The following CTTNBP2 variants were observed in gnomAD, a reference collection of about 807,000 sequenced individuals.
CTTNBP2 encodes the protein cortactin binding protein 2, also known as cortactin-binding protein 2.
Under a neutral mutation model 156.9 loss-of-function variants are expected in CTTNBP2, and 108 were observed. The observed-to-expected ratio is 0.69, with a 90% confidence interval of 0.59 to 0.81. The LOEUF (loss-of-function observed/expected upper bound fraction) is 0.81, where lower values mean the gene tolerates loss of function less well. Among genes scored for constraint, CTTNBP2 ranks in the 30% least tolerant of loss-of-function variants. The pLI is 0.00. For missense variants in CTTNBP2, 1,924 were observed against 2,035.4 expected (o/e 0.95, Z 1.05); for synonymous variants, 767 against 751.8 (o/e 1.02, Z -0.33).
intron 12 of CTTNBP2, 56 bp downstream of exon 12, chr7:117,756,499 A>C (rs1020830155): frequency 1.6e-5 from 23 of 1,396,182 alleles, no homozygotes; most frequent in Non-Finnish European, 2.2e-5. Flanking sequence ...GGGCCACCCA[A>C]TTTTCCAGTG....
rs749301406 is a variant in CTTNBP2, at chr7:117,780,609, A to G, written c.2373-18T>C. On this transcript the variant is annotated intron_variant, in intron 6 of 22. Coordinates refer to ENST00000160373, the MANE Select transcript of CTTNBP2 (RefSeq NM_033427.3). ...CTACACACCTAAACACAAGATTAGG[A>G]TTAATTACATAAAACCTGGGTTTGA... 23 of 1,512,464 alleles carry G rather than the reference A, an allele frequency of 1.5e-5. No individual in the cohort carries two copies. The East Asian group carries it at 5.6e-4, about 37-fold the overall frequency. The allele number at this position is 1,512,464 out of a possible 1,614,324, so 93.7% of individuals were successfully genotyped here.
intron 5 of CTTNBP2, among the ~76,000 whole-genome samples, chr7:117,783,779 G>A (rs1215663201): frequency 6.6e-6 from 1 of 152,070 alleles, no homozygotes; most frequent in African/African-American, 2.4e-5. Flanking sequence ...TAAAGAACAA[G>A]AATAATTCCC....
In CTTNBP2 at chr7:117,817,357, A is replaced by ATATATATATATAT. The variant is rs1282725521; in HGVS notation, c.190-6369_190-6368insATATATATATATA. ...TCAAAAAAAAAAAAAAAAAAAAAAA[A>ATATATATATATAT]AAAAATATATATATATATATATATA... is the stretch of plus-strand genomic sequence containing the variant. On this transcript the variant is annotated intron_variant, in intron 2 of 22. Transcript: ENST00000160373. 3.8e-3 allele frequency among the ~76,000 whole-genome samples: 126 copies of ATATATATATATAT among 32,968 alleles called. 5 individuals carry two copies. Among genetic ancestry groups the ATATATATATATAT allele is most frequent in the Admixed American group, 5.4e-3 (13 of 2,386 alleles). 21.6% of individuals were successfully genotyped at this position (32,968 alleles called of 152,430 possible). A position where few individuals can be genotyped will look rare whatever the true frequency, so the allele number is the denominator to read the frequency against.
chr7:117,837,007 C>G (rs1172887260), intron 2 of CTTNBP2, among the ~76,000 whole-genome samples: 1 of 152,146 alleles, frequency 6.6e-6, no homozygotes, highest in Non-Finnish European at 1.5e-5. Flanking sequence ...TCCAATTCTA[C>G]CAATGTTGTA....
chr7:117,769,129 T>C (rs1797676837), intron 8 of CTTNBP2, among the ~76,000 whole-genome samples: 1 of 152,220 alleles, frequency 6.6e-6, no homozygotes, highest in South Asian at 2.1e-4. Context: ...CAAAAGTGCC[T>C]ACACCAAAAT....
At chr7:117,831,853 TTC>T (rs1801631189) in intron 2 of CTTNBP2, among the ~76,000 whole-genome samples, 1 of 152,160 alleles carries the variant, frequency 6.6e-6, no homozygotes, top group African/African-American at 2.4e-5. Flanking sequence ...CTCAACCTTA[TTC>T]TCTTTCTTAA....
intron 12 of CTTNBP2, among the ~76,000 whole-genome samples, chr7:117,750,478 T>C (rs1280456057): frequency 6.6e-6 from 1 of 152,174 alleles, no homozygotes; most frequent in East Asian, 1.9e-4. Context: ...GAAAAACAAA[T>C]GTATATACTT....
Position 117,865,100 on chromosome 7 carries a change from T to C in CTTNBP2, c.82-3784A>G, listed in dbSNP as rs556378726. On this transcript the variant is annotated intron_variant, in intron 1 of 22. Coordinates refer to ENST00000160373, the MANE Select transcript of CTTNBP2 (RefSeq NM_033427.3). ...GCCAAACGAACTATTTTAAGTCATA[T>C]AATGTTTATAAAAGATTGCCTTGAT... 1.2e-4 allele frequency among the ~76,000 whole-genome samples: 18 copies of C among 151,690 alleles called. No individual in the cohort carries two copies. In the South Asian group the frequency reaches 3.3e-3, roughly 28 times the overall value.
intron 2 of CTTNBP2, among the ~76,000 whole-genome samples, chr7:117,811,312 A>C (rs1800266644): frequency 6.7e-6 from 1 of 149,674 alleles, no homozygotes; most frequent in Non-Finnish European, 1.5e-5. Context: ...CCACCCCTCC[A>C]CCCCGCCCAA....
chr7:117,739,362 C>T (rs150864497), intron 14 of CTTNBP2, among the ~76,000 whole-genome samples: 145 of 152,254 alleles, frequency 9.5e-4, no homozygotes, highest in African/African-American at 3.2e-3. Flanking sequence ...TTTTTACCTT[C>T]GGCCAAAAAG....
intron 22 of CTTNBP2, among the ~76,000 whole-genome samples, chr7:117,715,475 T>TAAA (rs398048025): frequency 0.23 from 27,058 of 115,994 alleles, 3,349 homozygotes; most frequent in Non-Finnish European, 0.26. Flanking sequence ...GCCCTGAAGT[T>TAAA]AAAAAAAAAA....
Position 117,717,997 on chromosome 7 carries a change from TG to T in CTTNBP2, c.4746+20del. On this transcript the variant is annotated intron_variant, in intron 22 of 22. Coordinates refer to ENST00000160373, the MANE Select transcript of CTTNBP2 (RefSeq NM_033427.3). ...CACAGCAATCATCCTTTGTTCACTTTGGGGAGAAAGGGACACTTACCTTTTG... is the reference window on the plus strand; with the variant it reads ...CACAGCAATCATCCTTTGTTCACTTTGGGAGAAAGGGACACTTACCTTTTG... The T allele has an allele frequency of 7.1e-7, 1 of 1,409,404 alleles. No homozygotes were observed. The highest frequency in any genetic ancestry group is 1.0e-6 in the Non-Finnish European group (1 of 993,604). The allele number at this position is 1,409,404 out of a possible 1,614,324, so 87.3% of individuals were successfully genotyped here.
chr7:117,803,991 G>C (rs929871224), intron 3 of CTTNBP2, among the ~76,000 whole-genome samples: 2 of 152,050 alleles, frequency 1.3e-5, no homozygotes, highest in Non-Finnish European at 2.9e-5. Flanking sequence ...ATGAGATAGG[G>C]TCTCGCTGTT....
chr7:117,788,412 A>G, intron 4 of CTTNBP2, among the ~76,000 whole-genome samples: 1 of 152,226 alleles, frequency 6.6e-6, no homozygotes, highest in East Asian at 1.9e-4. Context: ...TGAAATTGGA[A>G]GAGACACCTG....
chr7:117,718,481 A>G (rs1794587982), intron 21 of CTTNBP2, among the ~76,000 whole-genome samples: 1 of 152,210 alleles, frequency 6.6e-6, no homozygotes, highest in Non-Finnish European at 1.5e-5. Context: ...ACAAAGTTAA[A>G]TAAGAGTGAA....
intron 2 of CTTNBP2, among the ~76,000 whole-genome samples, chr7:117,824,826 A>G (rs1801184299): frequency 6.6e-6 from 1 of 152,250 alleles, no homozygotes; most frequent in Admixed American, 6.5e-5. Context: ...TGGTATCTAA[A>G]AATGACACTC....
rs199687888 is a variant in CTTNBP2 at position 117,767,112 on chromosome 7, C to T, written c.2843G>A (p.Arg948Gln). 3.7e-5 allele frequency: 60 copies of T among 1,612,972 alleles called. No homozygotes were observed. In the Admixed American group the frequency reaches 3.8e-4, roughly 10 times the overall value. ...ATCAGTGGCAACATCATGCACAGTC[C>T]GATTGCACTTGTCTCTCCTTTCTGG... ...LEPERRDKCN[R>Q]TVHDVATDDC... is the part of the protein sequence containing the mutation. Residue 948 changes from arginine (R) to glutamine (Q), a missense_variant, in exon 9 of 23, where the codon CGG (arginine) becomes CAG (glutamine). Coordinates refer to ENST00000160373, the MANE Select transcript of CTTNBP2 (RefSeq NM_033427.3).
intron 14 of CTTNBP2, among the ~76,000 whole-genome samples, chr7:117,741,446 T>C (rs923807505): frequency 6.6e-6 from 1 of 152,214 alleles, no homozygotes; most frequent in Admixed American, 6.5e-5. Context: ...AAAATCCTTC[T>C]GTATGAATTT....
intron 1 of CTTNBP2, among the ~76,000 whole-genome samples, chr7:117,868,522 A>G (rs775729599): frequency 2.0e-5 from 3 of 152,194 alleles, no homozygotes; most frequent in Non-Finnish European, 2.9e-5. Flanking sequence ...GGATTTCTAT[A>G]TGGAAGGCAT....
Sources: gnomAD v4.1 joint callset for allele counts (sites outside exome capture counted in the v4.1 genomes callset) on GRCh38, gnomAD v4.1.1 for gene constraint, MANE v1.5 for transcripts, NCBI Gene and HGNC (gene_info 2026-07-23, HGNC 2026-07-21) for gene names.